HECW2: variants seen among roughly 807,000 people sequenced by gnomAD.
HECW2 encodes E3 ubiquitin-protein ligase HECW2.
In HECW2, 61 loss-of-function variants were observed where a neutral mutation model predicts 175.2. The observed-to-expected ratio is 0.35, with a 90% CI of 0.28 to 0.43. The LOEUF is 0.43. Among genes scored for constraint, HECW2 ranks in the 20% least tolerant of loss-of-function variants. The pLI, the probability that HECW2 is intolerant of heterozygous loss-of-function variation, is 1.00. For synonymous variants in HECW2, 671 were observed against 731.0 expected (o/e 0.92, Z 1.32); for missense variants, 1,524 against 2,000.5 (o/e 0.76, Z 4.54).
At position 196,402,803 on chromosome 2, in the gene HECW2, ATTT is replaced by A. The variant is rs369586280; in HGVS notation, c.292+30326_292+30328del. On this transcript the variant is annotated intron_variant, in intron 2 of 28. Coordinates refer to ENST00000644978, the MANE Select transcript of HECW2 (RefSeq NM_001348768.2). ...AACAAACAGATTCCTTGCCTTGGGAATTTTTTTTTTTTTTTTTTTTTGAGACAG... is the reference window on the plus strand; with the variant it reads ...AACAAACAGATTCCTTGCCTTGGGAATTTTTTTTTTTTTTTTTTGAGACAG... 2.6e-3 allele frequency among the ~76,000 whole-genome samples: 319 copies of A among 123,618 alleles called. 3 individuals carry two copies. The highest frequency in any genetic ancestry group is 9.3e-3 in the African/African-American group (302 of 32,552). 81.1% of individuals were successfully genotyped at this position (123,618 alleles called of 152,430 possible).
At chr2:196,509,351 T>A (rs59810929) in intron 1 of HECW2, among the ~76,000 whole-genome samples, 12,427 of 152,210 alleles carry the variant, frequency 0.082, 642 homozygotes, top group South Asian at 0.15. Context: ...CCCAGTCTTT[T>A]TGAGTTTTTA....
chr2:196,457,095 A>C (rs1307959512), intron 1 of HECW2, among the ~76,000 whole-genome samples: 1 of 152,238 alleles, frequency 6.6e-6, no homozygotes, highest in East Asian at 1.9e-4. Context: ...GTGCCTAATG[A>C]GTAGGTACGG....
chr2:196,581,188 G>C (rs1024648453), intron 1 of HECW2, among the ~76,000 whole-genome samples: 1 of 152,162 alleles, frequency 6.6e-6, no homozygotes, highest in Non-Finnish European at 1.5e-5. Flanking sequence ...GTGATGAAAA[G>C]GTTCAGGAAT....
In HECW2 at chr2:196,349,543, G is replaced by A. The variant is rs553390371; in HGVS notation, c.293-5779C>T. Among the ~76,000 whole-genome samples, 13 of 152,074 alleles carry A rather than the reference G, an allele frequency of 8.5e-5. No homozygotes were observed. In the East Asian group the frequency reaches 9.7e-4, roughly 11 times the overall value. On this transcript the variant is annotated intron_variant, in intron 2 of 28. Transcript: ENST00000644978. Reference sequence around the variant, plus strand: ...AACGTGTGTGTGTGTGTGTGTGCGCGCGCACACATGCGTACCTTGGCCTCC... The same window carrying A: ...AACGTGTGTGTGTGTGTGTGTGCGCACGCACACATGCGTACCTTGGCCTCC...
At chr2:196,341,818 T>A (rs1373925828) in intron 3 of HECW2, among the ~76,000 whole-genome samples, 2 of 152,196 alleles carry the variant, frequency 1.3e-5, no homozygotes, top group African/African-American at 4.8e-5. Context: ...GATTTACTAG[T>A]AAGGATGGTA....
Position 196,202,546 on chromosome 2 carries a change from C to T in HECW2, c.4608-1158G>A, listed in dbSNP as rs536373465. 1.9e-4 allele frequency among the ~76,000 whole-genome samples: 29 copies of T among 152,246 alleles called. 1 individual carries two copies. In the South Asian group the frequency reaches 5.2e-3, roughly 27 times the overall value. On this transcript the variant is annotated intron_variant, in intron 28 of 28. Coordinates refer to ENST00000644978, the MANE Select transcript of HECW2 (RefSeq NM_001348768.2). ...TGAGGATTAAGTGAAATAACAGAAA[C>T]ATGCTTAATAGAATGACTGGCTCAT... is the stretch of plus-strand genomic sequence containing the variant.
At chr2:196,473,160 AT>A (rs1331838709) in intron 1 of HECW2, among the ~76,000 whole-genome samples, 1 of 152,222 alleles carries the variant, frequency 6.6e-6, no homozygotes, top group Non-Finnish European at 1.5e-5. Context: ...TTTTTCAAAA[AT>A]CAAACTAGGA....
chr2:196,318,406 C>G, intron 9 of HECW2, 146 bp downstream of exon 9: 4 of 942,394 alleles, frequency 4.2e-6, no homozygotes, highest in Non-Finnish European at 5.8e-6. Flanking sequence ...TTCAATCTTG[C>G]CTCTCTTCTT....
At chr2:196,359,873 T>C (rs779452554) in intron 2 of HECW2, among the ~76,000 whole-genome samples, 3 of 152,148 alleles carry the variant, frequency 2.0e-5, no homozygotes. Context: ...GAGGCCAAGA[T>C]AGGAGGATTG....
intron 3 of HECW2, among the ~76,000 whole-genome samples, chr2:196,341,646 C>T (rs144981776): frequency 7.5e-4 from 114 of 152,326 alleles, no homozygotes; most frequent in Non-Finnish European, 6.2e-4. Flanking sequence ...GTACCTACTT[C>T]CCCTTTCTGA....
chr2:196,273,879 T>A, intron 16 of HECW2, 142 bp downstream of exon 16: 2 of 581,458 alleles, frequency 3.4e-6, no homozygotes, highest in Non-Finnish European at 6.1e-6. Flanking sequence ...GATTTTGTTA[T>A]ACATTTCTTA....
intron 1 of HECW2, among the ~76,000 whole-genome samples, chr2:196,490,503 T>C (rs1166624339): frequency 6.6e-6 from 1 of 152,032 alleles, no homozygotes; most frequent in Non-Finnish European, 1.5e-5. Context: ...AAAATGGTGG[T>C]GGAAATGCAA....
chr2:196,545,050 C>T (rs552967263), intron 1 of HECW2, among the ~76,000 whole-genome samples: 2 of 152,180 alleles, frequency 1.3e-5, no homozygotes, highest in African/African-American at 4.8e-5. Context: ...TGTGATCACA[C>T]ATACCCAAAC....
intron 14 of HECW2, among the ~76,000 whole-genome samples, chr2:196,284,003 G>T (rs55760596): frequency 0.16 from 24,816 of 152,072 alleles, 2,165 homozygotes; most frequent in Middle Eastern, 0.23. Context: ...CCACCTCTCT[G>T]CTTTTCATAC....
intron 21 of HECW2, among the ~76,000 whole-genome samples, chr2:196,238,337 GA>G (rs367617873): frequency 6.6e-6 from 1 of 152,114 alleles, no homozygotes. Context: ...TTATAATCCA[GA>G]AAAAAAGTTA....
intron 1 of HECW2, among the ~76,000 whole-genome samples, chr2:196,464,511 C>T (rs895828809): frequency 6.6e-6 from 1 of 151,910 alleles, no homozygotes; most frequent in African/African-American, 2.4e-5. Context: ...TACTATATAC[C>T]AAATAAGCAA....
chr2:196,355,413 C>T (rs750402561), intron 2 of HECW2, among the ~76,000 whole-genome samples: 31 of 152,154 alleles, frequency 2.0e-4, no homozygotes, highest in Non-Finnish European at 2.2e-4. Flanking sequence ...CAACATTAGG[C>T]CCTTCAAGAA....
At chr2:196,453,815 T>C (rs1696419955) in intron 1 of HECW2, among the ~76,000 whole-genome samples, 1 of 152,064 alleles carries the variant, frequency 6.6e-6, no homozygotes, top group Non-Finnish European at 1.5e-5. Context: ...AGTTCGGGGA[T>C]AGAGAATCAA....
rs552843731 is a variant in HECW2, at chr2:196,208,731, G to A, written c.4607+7134C>T. On this transcript the variant is annotated intron_variant, in intron 28 of 28. Coordinates refer to ENST00000644978, the MANE Select transcript of HECW2 (RefSeq NM_001348768.2). The stretch of plus-strand genomic sequence containing the variant: ...TGAGCCTTGAAGCATAATTGAGTTT[G>A]GCATATTTGAGGAATACACAGAAGG... 5.9e-5 allele frequency among the ~76,000 whole-genome samples: 9 copies of A among 152,268 alleles called. No homozygotes were observed. The South Asian group carries it at 1.2e-3, about 21-fold the overall frequency.
Sources: allele counts gnomAD v4.1 joint callset (sites outside exome capture counted in the v4.1 genomes callset), GRCh38; gene constraint gnomAD v4.1.1; transcripts MANE v1.5; gene names NCBI Gene and HGNC (gene_info 2026-07-23, HGNC 2026-07-21).